Variants in FRMD3 observed in about 807,000 individuals in gnomAD.
FRMD3 encodes FERM domain containing 3, also known as FERM domain-containing protein 3.
In FRMD3, 33 loss-of-function variants were observed where a neutral mutation model predicts 70.2. The ratio of observed to expected loss-of-function variants is 0.47; its 90% CI spans 0.36 to 0.63. The LOEUF is 0.63. Ranked by LOEUF, FRMD3 falls within the 20% of genes least tolerant of loss-of-function variation. The pLI is 0.00. For synonymous variants in FRMD3, 279 were observed against 255.9 expected (o/e 1.09, Z -0.86); for missense variants, 632 against 711.4 (o/e 0.89, Z 1.27).
At chr9:83,343,074 A>G in intron 5 of FRMD3, 116 bp downstream of exon 5, 2 of 758,628 alleles carry the variant, frequency 2.6e-6, no homozygotes, top group Non-Finnish European at 4.7e-6. Context: ...CCAGCCCTAC[A>G]TGGTCTCCAG....
chr9:83,357,932 G>A (rs1197200933), intron 3 of FRMD3, among the ~76,000 whole-genome samples: 3 of 152,154 alleles, frequency 2.0e-5, no homozygotes, highest in African/African-American at 7.2e-5. Context: ...GCTTAATTAA[G>A]TCCCATATAT....
At chr9:83,352,020 A>G (rs1824179451) in intron 3 of FRMD3, among the ~76,000 whole-genome samples, 1 of 152,188 alleles carries the variant, frequency 6.6e-6, no homozygotes, top group Admixed American at 6.5e-5. Context: ...CCAGGACAGT[A>G]GATAGAGATC....
Position 83,452,466 on chromosome 9 carries a change from T to C in FRMD3, c.148-62758A>G, listed in dbSNP as rs1190349088. Among the ~76,000 whole-genome samples, 7 of 61,968 alleles carry C rather than the reference T, an allele frequency of 1.1e-4. No homozygotes were observed. The South Asian group carries it at 3.5e-3, about 31-fold the overall frequency. 40.7% of individuals were successfully genotyped at this position (61,968 alleles called of 152,430 possible). ...TACTCATCCCCGTATGAACTAATGC[T>C]TGAGTTGTTTTTTTTGTTGTTGTTG... On this transcript the variant is annotated intron_variant, in intron 1 of 13. Coordinates refer to ENST00000304195, the MANE Select transcript of FRMD3 (RefSeq NM_174938.6).
At chr9:83,566,734 T>A in the FRMD3 span, among the ~76,000 whole-genome samples, 1 of 152,178 alleles carries the variant, frequency 6.6e-6, no homozygotes, top group Non-Finnish European at 1.5e-5. Flanking sequence ...TCCGAAATGA[T>A]CTCCTTTGAC....
At chr9:83,476,935 C>T (rs2131468468) in intron 1 of FRMD3, among the ~76,000 whole-genome samples, 1 of 152,242 alleles carries the variant, frequency 6.6e-6, no homozygotes, top group East Asian at 1.9e-4. Flanking sequence ...TTTTATGATC[C>T]TTGAGGGCAG....
At chr9:83,283,252 CGGGCGCGGT>C (rs1261074922) in intron 13 of FRMD3, among the ~76,000 whole-genome samples, 1 of 152,054 alleles carries the variant, frequency 6.6e-6, no homozygotes, top group African/African-American at 2.4e-5. Flanking sequence ...AGGTGTTGGC[CGGGCGCGGT>C]GGTTCACGCC....
chr9:83,562,895 C>G, the FRMD3 span, among the ~76,000 whole-genome samples: 6 of 151,588 alleles, frequency 4.0e-5, no homozygotes, highest in Non-Finnish European at 5.9e-5. Flanking sequence ...GCCAATGCCC[C>G]CCCCCCAGCA....
In FRMD3 at chr9:83,389,630, G is replaced by A. The variant is rs770440183; in HGVS notation, c.226C>T (p.Arg76Cys). The A allele has an allele frequency of 6.2e-6, 10 of 1,613,588 alleles. No homozygotes were observed. The highest frequency in any genetic ancestry group is 4.4e-5 in the South Asian group (4 of 91,078). Residue 76 changes from arginine (R) to cysteine (C), a missense_variant, in exon 2 of 14, where the codon CGC becomes TGC. This residue lies in a region of FRMD3 where 208 missense variants were observed against 247.7 expected (regional missense o/e 0.84). Transcript: ENST00000304195. ...CTTTGCTTCTCTGGGTCCACATAGC[G>A]AATGCCAAAGTAGTCCTTCTCCAGC... ...SLLEKDYFGI[R>C]YVDPEKQRHW...
chr9:83,273,439 G>C (rs4615658), intron 13 of FRMD3, among the ~76,000 whole-genome samples: 134,240 of 150,306 alleles, frequency 0.89, 60,559 homozygotes, highest in East Asian at 1. Context: ...GCAGCATACT[G>C]GTTAAGAGTC....
intron 1 of FRMD3, among the ~76,000 whole-genome samples, chr9:83,536,509 GCA>G (rs1456637750): frequency 6.6e-6 from 1 of 152,172 alleles, no homozygotes; most frequent in Non-Finnish European, 1.5e-5. Context: ...AAAGCAAAGT[GCA>G]CAGTCCACAC....
intron 1 of FRMD3, among the ~76,000 whole-genome samples, chr9:83,408,970 T>C (rs137975160): frequency 1.5e-4 from 23 of 152,276 alleles, no homozygotes; most frequent in African/African-American, 5.3e-4. Flanking sequence ...GCCAACATAG[T>C]GTGCAATCCA....
intron 1 of FRMD3, among the ~76,000 whole-genome samples, chr9:83,484,856 C>A (rs1238429650): frequency 6.6e-6 from 1 of 152,136 alleles, no homozygotes; most frequent in African/African-American, 2.4e-5. Flanking sequence ...TAAAAGGAAA[C>A]AATATAGAGA....
At chr9:83,502,198 G>T (rs145077600) in intron 1 of FRMD3, among the ~76,000 whole-genome samples, 2 of 152,334 alleles carry the variant, frequency 1.3e-5, no homozygotes, top group African/African-American at 4.8e-5. Flanking sequence ...TTGCATCCCA[G>T]TTAATAAATA....
intron 13 of FRMD3, among the ~76,000 whole-genome samples, chr9:83,266,765 G>A (rs2118758638): frequency 6.6e-6 from 1 of 152,134 alleles, no homozygotes; most frequent in Middle Eastern, 3.4e-3. Flanking sequence ...TGCTGACTAG[G>A]GTGTAATTTG....
chr9:83,302,383 A>C (rs147088746), intron 10 of FRMD3, among the ~76,000 whole-genome samples: 198 of 152,264 alleles, frequency 1.3e-3, no homozygotes, highest in African/African-American at 4.5e-3. Context: ...GTGACATTTC[A>C]CCTGAAAGAA....
At chr9:83,479,602 G>C (rs1191272316) in intron 1 of FRMD3, among the ~76,000 whole-genome samples, 3 of 134,812 alleles carry the variant, frequency 2.2e-5, no homozygotes, top group Non-Finnish European at 4.7e-5. Flanking sequence ...ACTCCAGCCT[G>C]AGGGATAGCA....
chr9:83,572,938 C>T, the FRMD3 span, among the ~76,000 whole-genome samples: 1 of 152,134 alleles, frequency 6.6e-6, no homozygotes, highest in African/African-American at 2.4e-5. Context: ...ATTTTAAAGG[C>T]TGTGACCATC....
intron 2 of FRMD3, among the ~76,000 whole-genome samples, chr9:83,374,486 T>C (rs1477757369): frequency 2.0e-5 from 3 of 152,224 alleles, no homozygotes; most frequent in African/African-American, 7.2e-5. Context: ...TTGAGGACCC[T>C]CGTTATTGCC....
intron 1 of FRMD3, among the ~76,000 whole-genome samples, chr9:83,475,058 T>C (rs1828362166): frequency 6.6e-6 from 1 of 152,030 alleles, no homozygotes; most frequent in African/African-American, 2.4e-5. Flanking sequence ...GGTTGAAGAA[T>C]ACACCATCAA....
Sources: gnomAD v4.1 joint callset for allele counts (sites outside exome capture counted in the v4.1 genomes callset) on GRCh38, gnomAD v4.1.1 for gene constraint, gnomAD v4.1.1 regional missense constraint, MANE v1.5 for transcripts, NCBI Gene and HGNC (gene_info 2026-07-23, HGNC 2026-07-21) for gene names.